GATB: variants seen among roughly 807,000 people sequenced by gnomAD.
GATB encodes the protein glutamyl-tRNA(Gln) amidotransferase subunit B, mitochondrial.
GATB carries 39 observed loss-of-function variants against 62.3 expected under a neutral mutation model. The ratio of observed to expected loss-of-function variants is 0.63; its 90% CI spans 0.48 to 0.82. The LOEUF is 0.82. Ranked by LOEUF, GATB falls within the 40% of genes least tolerant of loss-of-function variation. GATB has a pLI of 0.00. For missense variants in GATB, 670 were observed against 684.0 expected (o/e 0.98, Z 0.23); for synonymous variants, 276 against 258.9 (o/e 1.07, Z -0.63).
chr4:151,675,181 C>T (rs1040739221), intron 11 of GATB: 2 of 152,104 alleles, frequency 1.3e-5, no homozygotes, highest in African/African-American at 2.4e-5. Context: ...TGCCTTCAAA[C>T]GAAGAGGCTG....
Position 151,702,744 on chromosome 4 carries a change from T to C in GATB, c.1007+1107A>G, listed in dbSNP as rs372394624. Among the ~76,000 whole-genome samples, 12 of 152,316 alleles carry C rather than the reference T, an allele frequency of 7.9e-5. No homozygotes were observed. In the East Asian group the frequency reaches 2.3e-3, roughly 29 times the overall value. On this transcript the variant is annotated intron_variant, in intron 8 of 12. Transcript: ENST00000263985. ...TTATGAAACAAGATGTCCCTCCCTC[T>C]GTTCTCGTCCAGCACTAATGGTTAC... is the stretch of plus-strand genomic sequence containing the variant.
intron 9 of GATB, among the ~76,000 whole-genome samples, chr4:151,690,169 G>A (rs1738333860): frequency 6.6e-6 from 1 of 152,304 alleles, no homozygotes; most frequent in African/African-American, 2.4e-5. Flanking sequence ...TAACAAAAGT[G>A]CTCTCCAAGT....
At chr4:151,700,020 G>T (rs1738567402) in intron 9 of GATB, among the ~76,000 whole-genome samples, 2 of 152,194 alleles carry the variant, frequency 1.3e-5, no homozygotes, top group Admixed American at 1.3e-4. Flanking sequence ...AGAATTCAGT[G>T]TTTATTTCAA....
In GATB at chr4:151,719,461, C is replaced by A. The variant is rs1738983622; in HGVS notation, c.405G>T (p.Leu135Phe). Reference protein sequence around the residue: ...ALNCHINKKSLFDRKHYFYAD... With the variant: ...ALNCHINKKSFFDRKHYFYAD... ...CATAGAAGTAGTGCTTCCTGTCAAA[C>A]AAGGACTTCTTGTTTATGTGGCAGT... Residue 135 changes from leucine (L) to phenylalanine (F), a missense_variant, in exon 3 of 13, where the codon TTG (leucine) becomes TTT (phenylalanine). Transcript: ENST00000263985. The A allele has an allele frequency of 6.2e-7, 1 of 1,612,070 alleles. No individual in the cohort carries two copies. The highest frequency in any genetic ancestry group is 8.5e-7 in the Non-Finnish European group (1 of 1,179,212).
chr4:151,684,196 C>T (rs1191760596), intron 10 of GATB, among the ~76,000 whole-genome samples: 6 of 152,194 alleles, frequency 3.9e-5, no homozygotes, highest in Non-Finnish European at 8.8e-5. Flanking sequence ...GAAATTGTTG[C>T]CCACAGCTCA....
chr4:151,690,707 GT>G (rs921716547), intron 9 of GATB, among the ~76,000 whole-genome samples: 13 of 152,174 alleles, frequency 8.5e-5, no homozygotes, highest in Non-Finnish European at 1.6e-4. Flanking sequence ...CCCTTGGGTG[GT>G]TTTTTTATTG....
chr4:151,744,607 G>A (rs545425882), intron 2 of GATB, among the ~76,000 whole-genome samples: 17 of 152,146 alleles, frequency 1.1e-4, no homozygotes, highest in African/African-American at 4.1e-4. Context: ...AATAAAAATA[G>A]TAGAAGCATT....
chr4:151,708,282 G>A (rs1005634053), intron 5 of GATB, among the ~76,000 whole-genome samples, 181 bp from the exon 6 acceptor site: 4 of 152,224 alleles, frequency 2.6e-5, no homozygotes, highest in African/African-American at 9.7e-5. Context: ...CTGGCCACTC[G>A]AGAGGGGTTA....
At position 151,760,049 on chromosome 4, in the gene GATB, C is replaced by A. The variant is rs535121335; in HGVS notation, c.176+758G>T. Among the ~76,000 whole-genome samples the A allele has an allele frequency of 3.3e-4, 51 of 152,240 alleles. 1 individual carries two copies. The South Asian group carries it at 9.5e-3, about 28-fold the overall frequency. On this transcript the variant is annotated intron_variant, in intron 1 of 12. Transcript: ENST00000263985. ...ATTCACAAGGAAACAATCTAATTCA[C>A]GAAAAGAATACAAAACTGAATACTT... is the stretch of plus-strand genomic sequence containing the variant.
At position 151,717,754 on chromosome 4, in the gene GATB, A is replaced by G. The variant is rs566824749; in HGVS notation, c.442-680T>C. ...AAGGAAGAATTACTTGCAAACGCAC[A>G]GAGGCACCAATACGCACTAAAGAGA... On this transcript the variant is annotated intron_variant, in intron 3 of 12. Transcript: ENST00000263985. Among the ~76,000 whole-genome samples the G allele has an allele frequency of 2.0e-5, 3 of 152,344 alleles. No homozygotes were observed. In the East Asian group the frequency reaches 5.8e-4, roughly 29 times the overall value.
intron 10 of GATB, among the ~76,000 whole-genome samples, chr4:151,683,055 T>G (rs910248275): frequency 6.6e-6 from 1 of 152,118 alleles, no homozygotes; most frequent in African/African-American, 2.4e-5. Context: ...CCCCACTCTT[T>G]CCACTCCTCC....
At chr4:151,734,201 A>G (rs1739322997) in intron 2 of GATB, among the ~76,000 whole-genome samples, 1 of 152,160 alleles carries the variant, frequency 6.6e-6, no homozygotes, top group Non-Finnish European at 1.5e-5. Flanking sequence ...AACCCTAAAG[A>G]CTTCTCCAGA....
chr4:151,683,826 C>T (rs1738193588), intron 10 of GATB, among the ~76,000 whole-genome samples: 1 of 152,228 alleles, frequency 6.6e-6, no homozygotes, highest in Non-Finnish European at 1.5e-5. Flanking sequence ...AGACCAGCTC[C>T]TCTGCATTTC....
intron 2 of GATB, among the ~76,000 whole-genome samples, chr4:151,745,170 T>C (rs1018162900): frequency 6.6e-6 from 1 of 152,226 alleles, no homozygotes; most frequent in African/African-American, 2.4e-5. Context: ...TCTTCTTAAA[T>C]AGCTAAACAT....
At position 151,716,943 on chromosome 4, in the gene GATB, C is replaced by T. The variant is rs762384957; in HGVS notation, c.573G>A (p.Glu191=). 9 of 1,614,098 alleles carry T rather than the reference C, an allele frequency of 5.6e-6. No individual in the cohort carries two copies. The highest frequency in any genetic ancestry group is 1.3e-5 in the African/African-American group (1 of 74,932). ...KTVRIKQIQL[E]QDSGKSLHDN... ...CGTGGAGGCTTTTGCCACTGTCTTG[C>T]TCCAACTGGATCTGCTTGATCCTCA... is the stretch of plus-strand genomic sequence containing the variant. The change falls in exon 4 of 13, where the codon GAG becomes GAA. Residue 191 remains glutamate, a synonymous_variant. Transcript: ENST00000263985.
intron 2 of GATB, among the ~76,000 whole-genome samples, chr4:151,727,552 T>A (rs1321530588): frequency 1.3e-5 from 2 of 152,236 alleles, no homozygotes; most frequent in African/African-American, 2.4e-5. Flanking sequence ...TCCCACAACA[T>A]TCTCAACAGT....
chr4:151,682,700 G>A (rs1040255741), intron 10 of GATB, among the ~76,000 whole-genome samples: 7 of 151,816 alleles, frequency 4.6e-5, no homozygotes, highest in African/African-American at 1.5e-4. Flanking sequence ...CCGACCCCCC[G>A]TGAACCATGC....
intron 3 of GATB, among the ~76,000 whole-genome samples, chr4:151,717,700 C>T (rs1378025678): frequency 2.6e-5 from 4 of 152,172 alleles, no homozygotes; most frequent in Non-Finnish European, 5.9e-5. Context: ...ATGGATCCTG[C>T]AAGGATCCCT....
intron 2 of GATB, among the ~76,000 whole-genome samples, chr4:151,747,895 G>A (rs889786835): frequency 1.3e-5 from 2 of 152,046 alleles, no homozygotes; most frequent in African/African-American, 4.8e-5. Context: ...GGAAGAAAAC[G>A]GTGCCCAAAA....
Sources: allele counts gnomAD v4.1 joint callset (sites outside exome capture counted in the v4.1 genomes callset), GRCh38; gene constraint gnomAD v4.1.1; transcripts MANE v1.5; gene names NCBI Gene and HGNC (gene_info 2026-07-23, HGNC 2026-07-21).